The following PLXNA4 variants were observed in gnomAD, a reference collection of about 807,000 sequenced individuals.
The protein encoded by PLXNA4 is plexin A4.
PLXNA4 carries 44 observed loss-of-function variants against 191.8 expected under a neutral mutation model. The observed-to-expected ratio is 0.23, with a 90% CI of 0.18 to 0.29. PLXNA4 has a LOEUF of 0.29. Among genes scored for constraint, PLXNA4 ranks in the 10% least tolerant of loss-of-function variants. The pLI, the probability that PLXNA4 is intolerant of heterozygous loss-of-function variation, is 1.00. For missense variants in PLXNA4, 1,800 were observed against 2,488.8 expected, an observed-to-expected ratio of 0.72 and a Z score of 5.89; for synonymous variants, 1,082 against 1,009.5, an observed-to-expected ratio of 1.07 and a Z score of -1.36.
chr7:132,259,603 C>CT (rs1799563776), intron 4 of PLXNA4, among the ~76,000 whole-genome samples: 1 of 152,050 alleles, frequency 6.6e-6, no homozygotes. Flanking sequence ...TCACTGAAGC[C>CT]TTTGTGCATC....
intron 20 of PLXNA4, among the ~76,000 whole-genome samples, chr7:132,178,748 TACACACACACAC>T (rs55690930): frequency 0.014 from 1,495 of 103,246 alleles, 52 homozygotes; most frequent in Non-Finnish European, 0.021. Context: ...ATGAAACACA[TACACACACACAC>T]ACACACACAC....
chr7:132,208,615 A>G (rs975111022), intron 10 of PLXNA4, among the ~76,000 whole-genome samples: 1 of 152,312 alleles, frequency 6.6e-6, no homozygotes, highest in South Asian at 2.1e-4. Context: ...TCCAATGCCA[A>G]CAGGGGCTGG....
At chr7:132,457,257 C>G (rs1419589167) in intron 3 of PLXNA4, among the ~76,000 whole-genome samples, 2 of 152,188 alleles carry the variant, frequency 1.3e-5, no homozygotes, top group Non-Finnish European at 2.9e-5. Context: ...CACTAATGTC[C>G]TTTTGCTGTT....
At chr7:132,528,909 C>T (rs1169351855) in intron 1 of PLXNA4, among the ~76,000 whole-genome samples, 1 of 152,220 alleles carries the variant, frequency 6.6e-6, no homozygotes, top group East Asian at 1.9e-4. Flanking sequence ...ATCTCACTGA[C>T]TCACCCAGTA....
intron 3 of PLXNA4, among the ~76,000 whole-genome samples, chr7:132,450,074 A>G (rs1330851731): frequency 6.6e-6 from 1 of 152,320 alleles, no homozygotes; most frequent in East Asian, 1.9e-4. Flanking sequence ...TCCAGGAAGG[A>G]AGATGACTGC....
At chr7:132,513,035 C>T (rs760186232) in intron 1 of PLXNA4, among the ~76,000 whole-genome samples, 42 of 152,296 alleles carry the variant, frequency 2.8e-4, no homozygotes, top group Admixed American at 7.2e-4. Flanking sequence ...CCCCGTAACC[C>T]AACTCAAACA....
chr7:132,446,480 A>C (rs1208208422), intron 3 of PLXNA4, among the ~76,000 whole-genome samples: 4 of 152,176 alleles, frequency 2.6e-5, no homozygotes, highest in Non-Finnish European at 5.9e-5. Context: ...CCAGAGAAGA[A>C]ACCTGGTAAA....
intron 4 of PLXNA4, among the ~76,000 whole-genome samples, chr7:132,284,118 A>G (rs919095817): frequency 6.6e-6 from 1 of 152,220 alleles, no homozygotes; most frequent in Non-Finnish European, 1.5e-5. Context: ...GGTTACAGTG[A>G]GCTATGATGG....
intron 4 of PLXNA4, among the ~76,000 whole-genome samples, chr7:132,266,584 G>A (rs750194892): frequency 6.6e-6 from 1 of 152,048 alleles, no homozygotes; most frequent in Non-Finnish European, 1.5e-5. Flanking sequence ...ATATTCACTT[G>A]GATTCAGACA....
intron 3 of PLXNA4, among the ~76,000 whole-genome samples, chr7:132,379,198 C>T (rs930935741): frequency 2.0e-5 from 3 of 152,114 alleles, no homozygotes; most frequent in Admixed American, 6.6e-5. Context: ...ACAAAATTCC[C>T]CATGATTGGA....
intron 4 of PLXNA4, among the ~76,000 whole-genome samples, chr7:132,257,391 T>G (rs1799470492): frequency 6.6e-6 from 1 of 152,220 alleles, no homozygotes; most frequent in South Asian, 2.1e-4. Context: ...AATAAGGCTC[T>G]CTATCATCTG....
intron 28 of PLXNA4, 88 bp from the exon 29 acceptor site, chr7:132,145,376 G>C: frequency 6.4e-7 from 1 of 1,571,060 alleles, no homozygotes. Flanking sequence ...CCTAGGCAGG[G>C]GAGGATGGTA....
chr7:132,391,335 C>A (rs1026980963), intron 3 of PLXNA4, among the ~76,000 whole-genome samples: 1 of 152,188 alleles, frequency 6.6e-6, no homozygotes, highest in African/African-American at 2.4e-5. Context: ...TAGTGACTGG[C>A]AAAGCATGTT....
intron 10 of PLXNA4, among the ~76,000 whole-genome samples, chr7:132,206,437 GGTGTGT>G (rs61032250): frequency 0.062 from 9,150 of 148,412 alleles, 347 homozygotes; most frequent in African/African-American, 0.086. Context: ...TATGTTTTCT[GGTGTGT>G]GTGTGTGTGT....
intron 2 of PLXNA4, among the ~76,000 whole-genome samples, chr7:132,616,955 C>T (rs1327223233): frequency 2.6e-5 from 4 of 152,234 alleles, no homozygotes; most frequent in Admixed American, 2.0e-4. Flanking sequence ...CCTTCTGATT[C>T]GGAGCATCAA....
chr7:132,417,039 G>A (rs150667344), intron 3 of PLXNA4, among the ~76,000 whole-genome samples: 61 of 152,036 alleles, frequency 4.0e-4, no homozygotes, highest in Admixed American at 1.4e-3. Context: ...GTCCTGCAAC[G>A]GAATGTTGCT....
chr7:132,439,203 C>T (rs1434975308), intron 3 of PLXNA4, among the ~76,000 whole-genome samples: 2 of 152,198 alleles, frequency 1.3e-5, no homozygotes, highest in African/African-American at 4.8e-5. Flanking sequence ...GGTGCCGGAG[C>T]TTCAGACACG....
intron 3 of PLXNA4, among the ~76,000 whole-genome samples, chr7:132,381,680 C>T (rs1319587801): frequency 1.3e-5 from 2 of 152,226 alleles, no homozygotes; most frequent in African/African-American, 4.8e-5. Flanking sequence ...TACACTCACA[C>T]ATTTGGGATG....
At chr7:132,526,582 T>A (rs1384573103) in intron 1 of PLXNA4, among the ~76,000 whole-genome samples, 3 of 152,170 alleles carry the variant, frequency 2.0e-5, no homozygotes, top group African/African-American at 4.8e-5. Flanking sequence ...GCCTGAATGG[T>A]TCACTTCCTT....
Sources: gnomAD v4.1 joint callset for allele counts (sites outside exome capture counted in the v4.1 genomes callset) on GRCh38, gnomAD v4.1.1 for gene constraint, MANE v1.5 for transcripts, NCBI Gene and HGNC (gene_info 2026-07-23, HGNC 2026-07-21) for gene names.